Variants in RORA observed in about 807,000 individuals in gnomAD.
The protein encoded by RORA is nuclear receptor ROR-alpha.
In RORA, 7 loss-of-function variants were observed where a neutral mutation model predicts 69.5. That is an observed-to-expected ratio of 0.10 (90% CI 0.06 to 0.19). RORA has a LOEUF of 0.19. Among genes scored for constraint, RORA ranks in the 10% least tolerant of loss-of-function variants. The pLI, the probability that RORA is intolerant of heterozygous loss-of-function variation, is 1.00. For missense variants in RORA, 457 were observed against 663.0 expected, an observed-to-expected ratio of 0.69 and a Z score of 3.41; for synonymous variants, 261 against 240.8, an observed-to-expected ratio of 1.08 and a Z score of -0.78.
At chr15:60,761,957 T>G (rs1289094428) in intron 1 of RORA, among the ~76,000 whole-genome samples, 2 of 152,104 alleles carry the variant, frequency 1.3e-5, no homozygotes, top group Admixed American at 1.3e-4. Context: ...GTCTAGTCCT[T>G]GGAAATCAAG....
At chr15:61,102,819 G>A (rs889890654) in intron 1 of RORA, among the ~76,000 whole-genome samples, 13 of 152,056 alleles carry the variant, frequency 8.5e-5, no homozygotes, top group African/African-American at 2.7e-4. Flanking sequence ...ACATGACAGC[G>A]TGTTACACAT....
At chr15:60,917,028 TGAA>T (rs1891892614) in intron 1 of RORA, among the ~76,000 whole-genome samples, 1 of 152,138 alleles carries the variant, frequency 6.6e-6, no homozygotes, top group African/African-American at 2.4e-5. Flanking sequence ...AATCAAGCCT[TGAA>T]GAAGTATCCG....
chr15:60,740,302 T>C (rs968211358), intron 1 of RORA, among the ~76,000 whole-genome samples: 1 of 152,106 alleles, frequency 6.6e-6, no homozygotes, highest in Non-Finnish European at 1.5e-5. Flanking sequence ...AACAGCCAAA[T>C]AAAGTTGCAC....
intron 1 of RORA, among the ~76,000 whole-genome samples, chr15:60,716,262 G>A (rs1302306098): frequency 6.6e-6 from 1 of 152,158 alleles, no homozygotes; most frequent in African/African-American, 2.4e-5. Flanking sequence ...CCAATTTTAT[G>A]GCTAGGATGG....
chr15:60,850,399 G>A (rs563476783), intron 1 of RORA, among the ~76,000 whole-genome samples: 1 of 152,302 alleles, frequency 6.6e-6, no homozygotes, highest in Non-Finnish European at 1.5e-5. Context: ...CTGGTGTGAT[G>A]TTTAAGCGGG....
At position 60,505,499 on chromosome 15, in the gene RORA, A is replaced by G. The variant is rs757719269; in HGVS notation, c.942+9T>C. 6.2e-7 allele frequency: 1 copy of G among 1,613,702 alleles called. No homozygotes were observed. Among genetic ancestry groups the G allele is most frequent in the Non-Finnish European group, 8.5e-7 (1 of 1,179,684 alleles). On this transcript the variant is annotated intron_variant, in intron 6 of 10. Coordinates refer to ENST00000335670, the MANE Select transcript of RORA (RefSeq NM_134261.3). ...TCAATCCTAGGAGGAAAAATTCCTC[A>G]GATCATACCTTGTTTTGATAGTTCT...
chr15:60,515,075 A>G (rs2065820129), intron 3 of RORA, among the ~76,000 whole-genome samples: 1 of 152,224 alleles, frequency 6.6e-6, no homozygotes, highest in Non-Finnish European at 1.5e-5. Flanking sequence ...GCCTGATGGA[A>G]TGATACAAAA....
intron 1 of RORA, among the ~76,000 whole-genome samples, chr15:60,692,976 A>T (rs1340585782): frequency 6.6e-6 from 1 of 152,194 alleles, no homozygotes; most frequent in Non-Finnish European, 1.5e-5. Context: ...CTGATACCGA[A>T]ACCTGGCAAA....
At chr15:60,873,132 C>T (rs2073575251) in intron 1 of RORA, among the ~76,000 whole-genome samples, 1 of 151,988 alleles carries the variant, frequency 6.6e-6, no homozygotes, top group African/African-American at 2.4e-5. Flanking sequence ...CCAGAATTTC[C>T]CCTCACTCAT....
At chr15:60,601,799 C>A (rs994878342) in intron 2 of RORA, among the ~76,000 whole-genome samples, 1 of 152,070 alleles carries the variant, frequency 6.6e-6, no homozygotes, top group Non-Finnish European at 1.5e-5. Flanking sequence ...CTGTTATCTA[C>A]GTTTATTAAG....
At chr15:60,498,978 A>G (rs1337999096) in intron 10 of RORA, among the ~76,000 whole-genome samples, 1 of 152,202 alleles carries the variant, frequency 6.6e-6, no homozygotes, top group Non-Finnish European at 1.5e-5. Context: ...TTCTAAGACC[A>G]AATACATACT....
chr15:61,190,168 T>A (rs2079783796), intron 1 of RORA, among the ~76,000 whole-genome samples: 1 of 63,028 alleles, frequency 1.6e-5, no homozygotes, highest in African/African-American at 6.6e-5. Flanking sequence ...CGTCAATTAG[T>A]ATTTGGTCCA....
At chr15:60,954,896 G>GAA in intron 1 of RORA, among the ~76,000 whole-genome samples, 1 of 152,300 alleles carries the variant, frequency 6.6e-6, no homozygotes, top group Non-Finnish European at 1.5e-5. Flanking sequence ...CAGTCATCCA[G>GAA]TAATGACAGA....
At chr15:60,662,811 C>T (rs189913594) in intron 2 of RORA, among the ~76,000 whole-genome samples, 2 of 152,102 alleles carry the variant, frequency 1.3e-5, no homozygotes, top group African/African-American at 2.4e-5. Flanking sequence ...CATTTTTGTC[C>T]CCCTGTAGTG....
At chr15:60,831,544 G>C (rs2073042589) in intron 1 of RORA, among the ~76,000 whole-genome samples, 1 of 152,176 alleles carries the variant, frequency 6.6e-6, no homozygotes, top group East Asian at 1.9e-4. Context: ...CTATAGGTGA[G>C]TCTCCTAGAA....
At chr15:60,690,439 C>T (rs975622528) in intron 1 of RORA, among the ~76,000 whole-genome samples, 1 of 152,182 alleles carries the variant, frequency 6.6e-6, no homozygotes, top group African/African-American at 2.4e-5. Flanking sequence ...GCAAGGCCAC[C>T]TTTGGAGACA....
chr15:60,541,543 C>G (rs2066872157), intron 2 of RORA, among the ~76,000 whole-genome samples: 1 of 152,114 alleles, frequency 6.6e-6, no homozygotes, highest in Non-Finnish European at 1.5e-5. Context: ...ATTTCTGTGC[C>G]TATTCCCAAG....
chr15:61,068,115 T>C (rs944899113), intron 1 of RORA, among the ~76,000 whole-genome samples: 12 of 152,268 alleles, frequency 7.9e-5, no homozygotes, highest in Non-Finnish European at 1.3e-4. Flanking sequence ...TTATCACCTA[T>C]AATTCTGGCT....
chr15:60,962,394 C>T (rs887837376), intron 1 of RORA, among the ~76,000 whole-genome samples: 2 of 152,206 alleles, frequency 1.3e-5, no homozygotes, highest in African/African-American at 2.4e-5. Context: ...CACTTGCTGT[C>T]AGAACCAAGT....
Sources: allele counts gnomAD v4.1 joint callset (sites outside exome capture counted in the v4.1 genomes callset), GRCh38; gene constraint gnomAD v4.1.1; transcripts MANE v1.5; gene names NCBI Gene and HGNC (gene_info 2026-07-23, HGNC 2026-07-21).